Variants in CDKN2B-AS1 observed in about 807,000 individuals in gnomAD.
CDKN2B-AS1 encodes the protein CDKN2B antisense RNA 1 (non-protein coding).
intron 1 of CDKN2B-AS1, among the ~76,000 whole-genome samples, chr9:22,038,913 G>A (rs902689359): frequency 3.9e-5 from 6 of 152,012 alleles, no homozygotes; most frequent in African/African-American, 4.8e-5. Context: ...TCTAGAAATA[G>A]TAATTTCATT....
chr9:22,070,095 A>T (rs57840055), intron 4 of CDKN2B-AS1, among the ~76,000 whole-genome samples: 1 of 152,302 alleles, frequency 6.6e-6, no homozygotes, highest in African/African-American at 2.4e-5. Context: ...AAGCAAGATC[A>T]GCTCAACTTT....
intron 3 of CDKN2B-AS1, among the ~76,000 whole-genome samples, chr9:22,055,856 C>T (rs1005634472): frequency 6.6e-6 from 1 of 151,746 alleles, no homozygotes. Flanking sequence ...GTTTGGGGGG[C>T]CTATATTGGC....
intron 1 of CDKN2B-AS1, chr9:22,004,139 AC>A (rs1432762663): frequency 8.6e-6 from 2 of 232,382 alleles, no homozygotes; most frequent in Non-Finnish European, 1.7e-5. Flanking sequence ...CATACCTGGT[AC>A]AGATTATGTG....
chr9:22,047,452 T>A (rs1278469941), intron 2 of CDKN2B-AS1, among the ~76,000 whole-genome samples: 3 of 152,192 alleles, frequency 2.0e-5, no homozygotes, highest in Non-Finnish European at 2.9e-5. Context: ...TAGTGGTAAC[T>A]CCATGCTTCC....
rs941498611 is a variant in CDKN2B-AS1 at position 21,999,931 on chromosome 9, T to C, written n.29+4770T>C. Among the ~76,000 whole-genome samples, 3 of 152,222 alleles carry C rather than the reference T, an allele frequency of 2.0e-5. No homozygotes were observed. The highest frequency in any genetic ancestry group is 7.2e-5 in the African/African-American group (3 of 41,452). ...GCTGGGGGAGAGATGTTTGCAATTATATGTACTTATATTTCTGGAAGGATA... is the reference window on the plus strand; with the variant it reads ...GCTGGGGGAGAGATGTTTGCAATTACATGTACTTATATTTCTGGAAGGATA... On this transcript the variant is annotated intron_variant and non_coding_transcript_variant, in intron 1 of 4. Coordinates refer to ENST00000650946, the Ensembl canonical transcript of CDKN2B-AS1. This position sits in a 1 kb window ranked among gnomAD's most constrained non-coding sequence, Gnocchi z 4.7.
In CDKN2B-AS1 at chr9:22,074,908, G is replaced by C. The variant is rs201474475; in HGVS notation, n.438+18521G>C. Among the ~76,000 whole-genome samples, 6 of 152,292 alleles carry C rather than the reference G, an allele frequency of 3.9e-5. No homozygotes were observed. The East Asian group carries it at 7.7e-4, about 20-fold the overall frequency. ...CAACTGGTCTGCTACTGACATTCTA[G>C]GCTATTGTTTCTCCAAGTAATGAAT... On this transcript the variant is annotated intron_variant and non_coding_transcript_variant, in intron 4 of 4. Coordinates refer to ENST00000650946, the Ensembl canonical transcript of CDKN2B-AS1.
At chr9:22,015,071 C>T (rs1379739419) in intron 1 of CDKN2B-AS1, among the ~76,000 whole-genome samples, 1 of 151,902 alleles carries the variant, frequency 6.6e-6, no homozygotes, top group Non-Finnish European at 1.5e-5. Flanking sequence ...AATAAACATA[C>T]GTGTGCATGT....
At chr9:22,097,777 G>C (rs2131350943) in intron 4 of CDKN2B-AS1, among the ~76,000 whole-genome samples, 1 of 152,294 alleles carries the variant, frequency 6.6e-6, no homozygotes, top group South Asian at 2.1e-4. Flanking sequence ...TGTGCTTTCT[G>C]CTGCATTCCT....
At chr9:22,093,680 C>T (rs1195559433) in intron 4 of CDKN2B-AS1, among the ~76,000 whole-genome samples, 1 of 142,364 alleles carries the variant, frequency 7.0e-6, no homozygotes, top group Non-Finnish European at 1.5e-5. Context: ...GGTAGATCTT[C>T]CTCCATCCCT....
intron 1 of CDKN2B-AS1, among the ~76,000 whole-genome samples, chr9:22,044,327 G>A (rs1203313428): frequency 6.6e-6 from 1 of 151,738 alleles, no homozygotes; most frequent in Non-Finnish European, 1.5e-5. Flanking sequence ...ATCCTAGTAG[G>A]ATATCCTAGA....
At chr9:22,088,466 C>G (rs1587513721) in intron 4 of CDKN2B-AS1, among the ~76,000 whole-genome samples, 1 of 146,464 alleles carries the variant, frequency 6.8e-6, no homozygotes, top group East Asian at 2.0e-4. Context: ...CACACACACA[C>G]AGAATTGCCA....
chr9:22,070,731 A>G (rs1157256185), intron 4 of CDKN2B-AS1, among the ~76,000 whole-genome samples: 1 of 152,226 alleles, frequency 6.6e-6, no homozygotes, highest in Non-Finnish European at 1.5e-5. Context: ...TAGTGTAACA[A>G]ATGCCTGCCT....
chr9:22,101,851 C>T (rs1415519078), intron 4 of CDKN2B-AS1, among the ~76,000 whole-genome samples: 1 of 152,148 alleles, frequency 6.6e-6, no homozygotes, highest in African/African-American at 2.4e-5. Context: ...GCAGAGCTTG[C>T]ATGTAAGTGG....
Position 21,997,786 on chromosome 9 carries a change from T to C in CDKN2B-AS1, n.29+2625T>C, listed in dbSNP as rs1820753100. On this transcript the variant is annotated intron_variant and non_coding_transcript_variant, in intron 1 of 4. Coordinates refer to ENST00000650946, the Ensembl canonical transcript of CDKN2B-AS1. This position sits in a 1 kb window ranked among gnomAD's most constrained non-coding sequence, Gnocchi z 4.8. ...AATACCTCCACAGCAATATTTAGAC[T>C]GGTGTTTGACTCAAACACTGGGTAC... Among the ~76,000 whole-genome samples, 1 of 152,148 alleles carries C rather than the reference T, an allele frequency of 6.6e-6. No individual in the cohort carries two copies. Among genetic ancestry groups the C allele is most frequent in the Non-Finnish European group, 1.5e-5 (1 of 68,018 alleles).
intron 1 of CDKN2B-AS1, among the ~76,000 whole-genome samples, chr9:22,013,462 T>C (rs1378984164): frequency 6.6e-6 from 1 of 152,150 alleles, no homozygotes; most frequent in Non-Finnish European, 1.5e-5. Context: ...TTTTTTTTCT[T>C]ATAAGGGACA....
intron 1 of CDKN2B-AS1, chr9:22,003,816 C>T (rs1821039728): frequency 4.3e-6 from 1 of 231,594 alleles, no homozygotes; most frequent in African/African-American, 2.2e-5. Context: ...TTTATATTTA[C>T]TAGAAGTTAG....
At chr9:22,015,043 T>C (rs1821679211) in intron 1 of CDKN2B-AS1, among the ~76,000 whole-genome samples, 1 of 152,210 alleles carries the variant, frequency 6.6e-6, no homozygotes, top group East Asian at 1.9e-4. Flanking sequence ...AAGTCTTTGC[T>C]ATTGTGAATA....
chr9:22,051,400 A>T (rs1823339840), intron 3 of CDKN2B-AS1, among the ~76,000 whole-genome samples: 1 of 152,178 alleles, frequency 6.6e-6, no homozygotes, highest in African/African-American at 2.4e-5. Flanking sequence ...ATTCCCAAAG[A>T]GTTATGCTTA....
intron 4 of CDKN2B-AS1, among the ~76,000 whole-genome samples, chr9:22,076,186 T>C (rs562477642): frequency 1.2e-4 from 18 of 152,286 alleles, no homozygotes; most frequent in Admixed American, 3.9e-4. Flanking sequence ...CCCAAGTAGT[T>C]GGATTACAGG....
Sources: allele counts gnomAD v4.1 joint callset (sites outside exome capture counted in the v4.1 genomes callset), GRCh38; gene constraint gnomAD v4.1.1; non-coding constraint Gnocchi (gnomAD v3.1); transcripts MANE v1.5; gene names NCBI Gene and HGNC (gene_info 2026-07-23, HGNC 2026-07-21).